Variants in SCFD2 observed in about 807,000 individuals in gnomAD.
The protein encoded by SCFD2 is sec1 family domain-containing protein 2.
In SCFD2, 54 loss-of-function variants were observed where a neutral mutation model predicts 58.9. That is an observed-to-expected ratio of 0.92 (90% CI 0.74 to 1.15). The LOEUF is 1.15. SCFD2 is among the 50% of genes most tolerant of loss of function. The pLI is 0.00. For synonymous variants in SCFD2, 321 were observed against 335.9 expected, an observed-to-expected ratio of 0.96 and a Z score of 0.49; for missense variants, 805 against 836.6, an observed-to-expected ratio of 0.96 and a Z score of 0.47.
chr4:53,298,120 C>T (rs547457386), intron 3 of SCFD2, among the ~76,000 whole-genome samples: 8 of 152,092 alleles, frequency 5.3e-5, no homozygotes, highest in Non-Finnish European at 1.2e-4. Flanking sequence ...GAGCAGCACA[C>T]CATGCGTGAG....
At chr4:53,358,110 A>C (rs2149170527) in intron 1 of SCFD2, among the ~76,000 whole-genome samples, 1 of 152,346 alleles carries the variant, frequency 6.6e-6, no homozygotes, top group East Asian at 1.9e-4. Context: ...TTACTAGTGG[A>C]CTCAAATTTC....
chr4:53,008,744 G>T (rs1005864062), intron 5 of SCFD2, among the ~76,000 whole-genome samples: 1 of 152,194 alleles, frequency 6.6e-6, no homozygotes, highest in Non-Finnish European at 1.5e-5. Context: ...CAGGTTTTCA[G>T]AGAAAAGCTA....
intron 5 of SCFD2, among the ~76,000 whole-genome samples, chr4:53,052,439 C>T (rs1577688003): frequency 6.6e-6 from 1 of 152,202 alleles, no homozygotes; most frequent in Non-Finnish European, 1.5e-5. Context: ...GCATCTAGTA[C>T]ATTCTCAACA....
chr4:53,123,452 CT>C (rs1725538055), intron 5 of SCFD2, among the ~76,000 whole-genome samples: 1 of 147,028 alleles, frequency 6.8e-6, no homozygotes, highest in Non-Finnish European at 1.5e-5. Flanking sequence ...ACAGTGGGGA[CT>C]GTCCAGTGCC....
chr4:52,983,826 G>A (rs1721431103), intron 5 of SCFD2, among the ~76,000 whole-genome samples: 1 of 152,288 alleles, frequency 6.6e-6, no homozygotes, highest in Non-Finnish European at 1.5e-5. Context: ...TCATTACCTG[G>A]AATATGGAAA....
intron 5 of SCFD2, among the ~76,000 whole-genome samples, chr4:53,079,513 G>A (rs1724079556): frequency 6.6e-6 from 1 of 152,120 alleles, no homozygotes; most frequent in Non-Finnish European, 1.5e-5. Context: ...GAAGAACATA[G>A]CATTCTCTTG....
rs1340169385 is a variant in SCFD2 at position 52,920,825 on chromosome 4, G to C, written c.1607C>G (p.Ala536Gly). 7 of 1,610,662 alleles carry C rather than the reference G, an allele frequency of 4.3e-6. No homozygotes were observed. Among genetic ancestry groups the C allele is most frequent in the African/African-American group, 1.3e-5 (1 of 74,710 alleles). The change falls in exon 6 of 9, where the codon GCC (alanine) becomes GGC (glycine). Residue 536 changes from alanine (A) to glycine (G), a missense_variant. Ala to Gly is a moderately conservative substitution (Grantham distance 60). This residue lies in a region of SCFD2 where 633 missense variants were observed against 646.8 expected (regional missense o/e 0.98). Coordinates refer to ENST00000401642, the MANE Select transcript of SCFD2 (RefSeq NM_152540.4). The part of the protein sequence containing the change: ...INLTFHKSKI[A>G]VDELFTSLRD... ...AAGTGAAGTAAAGAGTTCATCCACG[G>C]CAATTTTGGATTTGTGAAATGTCAG... is the stretch of plus-strand genomic sequence containing the variant.
At chr4:53,307,306 C>G (rs949002187) in intron 3 of SCFD2, among the ~76,000 whole-genome samples, 1 of 152,144 alleles carries the variant, frequency 6.6e-6, no homozygotes, top group Non-Finnish European at 1.5e-5. Context: ...AAATAGCATG[C>G]TTAGACATTT....
At chr4:53,364,990 C>T in intron 1 of SCFD2, 114 bp downstream of exon 1, 1 of 1,289,566 alleles carries the variant, frequency 7.8e-7, no homozygotes, top group East Asian at 2.4e-5. Context: ...TCTAGTTCAT[C>T]TTTGTATCCT....
At chr4:53,219,572 C>G (rs752022309) in intron 4 of SCFD2, among the ~76,000 whole-genome samples, 1 of 152,128 alleles carries the variant, frequency 6.6e-6, no homozygotes, top group Non-Finnish European at 1.5e-5. Context: ...TTCCCTGACC[C>G]CTTGCACTTC....
chr4:53,228,251 C>A (rs1729291360), intron 4 of SCFD2, among the ~76,000 whole-genome samples: 1 of 152,204 alleles, frequency 6.6e-6, no homozygotes, highest in Non-Finnish European at 1.5e-5. Context: ...GTAAAGACTT[C>A]AGGATGATTT....
intron 8 of SCFD2, 101 bp downstream of exon 8, chr4:52,885,638 GGGCAGGCA>G: frequency 7.7e-7 from 1 of 1,302,266 alleles, no homozygotes; most frequent in Non-Finnish European, 1.1e-6. Context: ...AGAGGGTGAT[GGGCAGGCA>G]GGCTAGGAGA....
At chr4:53,088,129 T>C (rs1475566122) in intron 5 of SCFD2, among the ~76,000 whole-genome samples, 4 of 152,128 alleles carry the variant, frequency 2.6e-5, no homozygotes, top group Non-Finnish European at 5.9e-5. Flanking sequence ...CAAAACAAGA[T>C]AACAGTAAAG....
rs1721726318 is a variant in SCFD2, at chr4:52,995,580, AAAG to A, written c.1562-74713_1562-74711del. 2.0e-5 allele frequency among the ~76,000 whole-genome samples: 3 copies of A among 152,254 alleles called. No homozygotes were observed. The South Asian group carries it at 6.2e-4, about 32-fold the overall frequency. ...CATGCCTGGTCTGGGTAAGAGAAAT[AAAG>A]ATTATGGATAATCCAAAAGCTTTCA... On this transcript the variant is annotated intron_variant, in intron 5 of 8. Coordinates refer to ENST00000401642, the MANE Select transcript of SCFD2 (RefSeq NM_152540.4).
chr4:53,016,977 G>A (rs566343179), intron 5 of SCFD2, among the ~76,000 whole-genome samples: 1 of 152,246 alleles, frequency 6.6e-6, no homozygotes, highest in South Asian at 2.1e-4. Flanking sequence ...GCGTGGTGGT[G>A]CACACCTATA....
intron 5 of SCFD2, among the ~76,000 whole-genome samples, chr4:53,069,152 C>A (rs1199499556): frequency 6.6e-6 from 1 of 151,974 alleles, no homozygotes; most frequent in Non-Finnish European, 1.5e-5. Flanking sequence ...GCTAGGGAAT[C>A]CAGAGAAGGG....
intron 7 of SCFD2, among the ~76,000 whole-genome samples, chr4:52,891,136 T>C (rs921495303): frequency 1.3e-5 from 2 of 151,844 alleles, no homozygotes; most frequent in African/African-American, 4.8e-5. Flanking sequence ...CACCAAGAAT[T>C]AGTAACAGCA....
chr4:53,242,860 A>G (rs1277503525), intron 4 of SCFD2, among the ~76,000 whole-genome samples: 2 of 152,256 alleles, frequency 1.3e-5, no homozygotes, highest in Non-Finnish European at 2.9e-5. Context: ...ACAACAGACT[A>G]TAACAAGTTG....
chr4:53,106,508 C>CA (rs375735391), intron 5 of SCFD2, among the ~76,000 whole-genome samples: 2,207 of 152,202 alleles, frequency 0.015, 20 homozygotes, highest in Middle Eastern at 0.034. Flanking sequence ...CTAGAATAAC[C>CA]GTTTAGAGAA....
Sources: allele counts gnomAD v4.1 joint callset (sites outside exome capture counted in the v4.1 genomes callset), GRCh38; gene constraint gnomAD v4.1.1; regional missense constraint gnomAD v4.1.1; transcripts MANE v1.5; gene names NCBI Gene and HGNC (gene_info 2026-07-23, HGNC 2026-07-21).